FBXW7: variants seen among roughly 807,000 people sequenced by gnomAD.
FBXW7 encodes F-box and WD repeat domain containing 7.
A neutral mutation model predicts 86.3 loss-of-function variants in FBXW7; 11 were observed. The observed-to-expected ratio is 0.13, with a 90% CI of 0.08 to 0.21. The LOEUF (loss-of-function observed/expected upper bound fraction) is 0.21, where lower values mean the gene tolerates loss of function less well. Among genes scored for constraint, FBXW7 ranks in the 10% least tolerant of loss-of-function variants. The pLI is 1.00. For missense variants in FBXW7, 488 were observed against 847.4 expected (o/e 0.58, Z 5.27); for synonymous variants, 313 against 297.9 (o/e 1.05, Z -0.52).
chr4:152,411,239 T>C (rs2126875322), intron 4 of FBXW7, 64 bp downstream of exon 4: 1 of 1,475,770 alleles, frequency 6.8e-7, no homozygotes, highest in Non-Finnish European at 9.0e-7. Context: ...GTGAGGAAAG[T>C]TTCATTACAA....
At chr4:152,346,055 C>T (rs1187839784) in intron 6 of FBXW7, among the ~76,000 whole-genome samples, 4 of 151,850 alleles carry the variant, frequency 2.6e-5, no homozygotes, top group Non-Finnish European at 5.9e-5. Context: ...GTACTTAATC[C>T]TTGCCATGTA....
chr4:152,467,752 G>A (rs1172506321), intron 2 of FBXW7, among the ~76,000 whole-genome samples: 1 of 152,088 alleles, frequency 6.6e-6, no homozygotes, highest in Non-Finnish European at 1.5e-5. Flanking sequence ...CTATCAGTGA[G>A]TATTTATTTA....
intron 6 of FBXW7, among the ~76,000 whole-genome samples, chr4:152,343,040 T>C (rs1730895774): frequency 6.6e-6 from 1 of 152,320 alleles, no homozygotes; most frequent in African/African-American, 2.4e-5. Context: ...TAAAGTAGAT[T>C]TGAGAACATG....
chr4:152,416,927 G>A (rs1416845788), intron 2 of FBXW7, among the ~76,000 whole-genome samples: 1 of 152,174 alleles, frequency 6.6e-6, no homozygotes, highest in African/African-American at 2.4e-5. Context: ...TAAACTGGTT[G>A]TTAAATCTCA....
intron 7 of FBXW7, 49 bp downstream of exon 7, chr4:152,337,753 T>C (rs1730296608): frequency 1.3e-6 from 2 of 1,554,902 alleles, no homozygotes; most frequent in Non-Finnish European, 1.7e-6. Flanking sequence ...AGCTGTTGAG[T>C]TATATATTCA....
chr4:152,364,931 A>G (rs1310395919), intron 4 of FBXW7, among the ~76,000 whole-genome samples: 1 of 152,220 alleles, frequency 6.6e-6, no homozygotes, highest in Non-Finnish European at 1.5e-5. Flanking sequence ...TTCATTCAAT[A>G]TAATAGTTAC....
At chr4:152,377,385 T>A (rs889997182) in intron 4 of FBXW7, among the ~76,000 whole-genome samples, 1 of 152,150 alleles carries the variant, frequency 6.6e-6, no homozygotes, top group South Asian at 2.1e-4. Context: ...AGTTGGCTCT[T>A]TTAAAATGAT....
chr4:152,396,179 C>T (rs955163466), intron 4 of FBXW7, among the ~76,000 whole-genome samples: 11 of 151,950 alleles, frequency 7.2e-5, no homozygotes, highest in African/African-American at 2.7e-4. Context: ...CTAGAAACAT[C>T]TCTAGTATTC....
intron 4 of FBXW7, among the ~76,000 whole-genome samples, chr4:152,366,582 T>C (rs1302175502): frequency 1.3e-5 from 2 of 152,160 alleles, no homozygotes; most frequent in Non-Finnish European, 2.9e-5. Context: ...CACAATGAGA[T>C]ACCATCTCAC....
At chr4:152,499,658 A>T (rs1402138430) in intron 2 of FBXW7, among the ~76,000 whole-genome samples, 2 of 152,068 alleles carry the variant, frequency 1.3e-5, no homozygotes, top group Non-Finnish European at 2.9e-5. Flanking sequence ...AACTGCAAAA[A>T]GGGGGCAGCC....
At chr4:152,384,409 A>G (rs532823759) in intron 4 of FBXW7, among the ~76,000 whole-genome samples, 120 of 152,252 alleles carry the variant, frequency 7.9e-4, no homozygotes, top group Non-Finnish European at 1.4e-3. Context: ...TACTATACTA[A>G]GTAAAATAAG....
intron 2 of FBXW7, among the ~76,000 whole-genome samples, chr4:152,417,489 A>G (rs1738542980): frequency 6.6e-6 from 1 of 152,254 alleles, no homozygotes; most frequent in South Asian, 2.1e-4. Flanking sequence ...CAGAATGAAA[A>G]GAGCCTTTCT....
At position 152,497,343 on chromosome 4, in the gene FBXW7, C is replaced by CCACACA. The variant is rs753468896; in HGVS notation, c.-120+37592_-120+37597dup. Among the ~76,000 whole-genome samples, 587 of 86,928 alleles carry CCACACA rather than the reference C, an allele frequency of 6.8e-3. 8 individuals are homozygous for CCACACA. Among genetic ancestry groups the CCACACA allele is most frequent in the African/African-American group, 0.021 (458 of 22,068 alleles). 57.0% of individuals were successfully genotyped at this position (86,928 alleles called of 152,430 possible). ...TCTCAAAAAAAAAAAAAAAAAAAAA[C>CCACACA]CACACACACACACACACACACACAC... On this transcript the variant is annotated intron_variant, in intron 2 of 13. Transcript: ENST00000281708.
chr4:152,330,073 C>A (rs535638370), intron 9 of FBXW7, among the ~76,000 whole-genome samples: 1 of 151,670 alleles, frequency 6.6e-6, no homozygotes, highest in Admixed American at 6.6e-5. Context: ...TAATCTATTC[C>A]ATCTGTTCAA....
chr4:152,373,571 TAA>T (rs1734198213), intron 4 of FBXW7, among the ~76,000 whole-genome samples: 1 of 151,896 alleles, frequency 6.6e-6, no homozygotes, highest in Non-Finnish European at 1.5e-5. Context: ...TGAAAAAACA[TAA>T]GACAAGACAC....
At chr4:152,508,326 C>T (rs1747622678) in intron 2 of FBXW7, among the ~76,000 whole-genome samples, 1 of 151,962 alleles carries the variant, frequency 6.6e-6, no homozygotes, top group Non-Finnish European at 1.5e-5. Context: ...TTCTTCCTTA[C>T]CAAAAACCAC....
chr4:152,470,350 T>C (rs556496853), intron 2 of FBXW7, among the ~76,000 whole-genome samples: 43 of 152,216 alleles, frequency 2.8e-4, no homozygotes, highest in African/African-American at 9.9e-4. Context: ...CATTCAGTTC[T>C]TCCTGACAAT....
chr4:152,465,843 CA>C (rs33966110), intron 2 of FBXW7, among the ~76,000 whole-genome samples: 50,342 of 117,122 alleles, frequency 0.43, 8,913 homozygotes, highest in East Asian at 0.59. Flanking sequence ...GACTCTTTCT[CA>C]AAAAAAAAAA....
chr4:152,525,145 T>C (rs1194751810), intron 2 of FBXW7, among the ~76,000 whole-genome samples: 1 of 152,162 alleles, frequency 6.6e-6, no homozygotes, highest in South Asian at 2.1e-4. Context: ...AAGAAAAGTA[T>C]TTAAAATGCT....
Sources: allele counts gnomAD v4.1 joint callset (sites outside exome capture counted in the v4.1 genomes callset), GRCh38; gene constraint gnomAD v4.1.1; transcripts MANE v1.5; gene names NCBI Gene and HGNC (gene_info 2026-07-23, HGNC 2026-07-21).